ASCC3: variants seen among roughly 807,000 people sequenced by gnomAD.
The protein encoded by ASCC3 is activating signal cointegrator 1 complex subunit 3, also known as ASC-1 complex subunit P200.
In ASCC3, 158 loss-of-function variants were observed where a neutral mutation model predicts 256.3. The ratio of observed to expected loss-of-function variants is 0.62; its 90% CI spans 0.54 to 0.70. The LOEUF is 0.70. Ranked by LOEUF, ASCC3 falls within the 30% of genes least tolerant of loss-of-function variation. The pLI, the probability that ASCC3 is intolerant of heterozygous loss-of-function variation, is 0.00. For synonymous variants in ASCC3, 948 were observed against 883.4 expected (o/e 1.07, Z -1.30); for missense variants, 2,259 against 2,626.0 (o/e 0.86, Z 3.05).
chr6:100,829,765 T>A (rs1264029126), intron 4 of ASCC3, among the ~76,000 whole-genome samples: 2 of 152,204 alleles, frequency 1.3e-5, no homozygotes, highest in Non-Finnish European at 2.9e-5. Context: ...TGTTTTTTCC[T>A]ATATATACAT....
chr6:100,767,305 C>A lies in ASCC3; in HGVS notation c.1436G>T (p.Arg479Ile), dbSNP rs1471557248. Residue 479 changes from arginine (R) to isoleucine (I), a missense_variant, in exon 9 of 42, where the codon AGA (arginine) becomes ATA (isoleucine). Around this residue, in one of 2 missense-constraint regions of ASCC3, gnomAD observed 1,839 missense variants for 2,206.7 expected, o/e 0.83. Transcript: ENST00000369162. ...LAFKGMKRLN[R>I]IQSIVFETAY... ...AGTCTCAAACACTATTGACTGGATT[C>A]TATTGAGTCTCTTCATTCCTTTAAA... is the stretch of plus-strand genomic sequence containing the variant. 6.2e-7 allele frequency: 1 copy of A among 1,612,944 alleles called. No homozygotes were observed. The highest frequency in any genetic ancestry group is 1.7e-5 in the Admixed American group (1 of 59,882).
chr6:100,676,365 A>T (rs1415016057), intron 14 of ASCC3, among the ~76,000 whole-genome samples: 3 of 152,148 alleles, frequency 2.0e-5, no homozygotes, highest in Non-Finnish European at 4.4e-5. Context: ...TACGTTTCAG[A>T]AATGTTTAGA....
intron 4 of ASCC3, among the ~76,000 whole-genome samples, chr6:100,843,630 CAA>C (rs1364029655): frequency 6.6e-6 from 1 of 152,062 alleles, no homozygotes; most frequent in South Asian, 2.1e-4. Flanking sequence ...ACATATTTCT[CAA>C]GTGTGTTTTT....
Position 100,510,039 on chromosome 6 carries a change from T to A in ASCC3, c.6354A>T (p.Ile2118=), listed in dbSNP as rs1201391408. The change falls in exon 41 of 42, where the codon ATA becomes ATT. Residue 2118 remains isoleucine (I), a synonymous_variant. Coordinates refer to ENST00000369162, the MANE Select transcript of ASCC3 (RefSeq NM_006828.4). ...PKSKDEGWFL[I]LGEVDKRELI... is the part of the protein sequence containing the mutation. The stretch of plus-strand genomic sequence containing the variant: ...GTTCTCTCTTATCCACTTCTCCTAA[T>A]ATCAAAAACCATCCTTCGTCTTTTG... 1 of 1,614,174 alleles carries A rather than the reference T, an allele frequency of 6.2e-7. No homozygotes were observed. Among genetic ancestry groups the A allele is most frequent in the South Asian group, 1.1e-5 (1 of 91,082 alleles).
chr6:100,656,120 A>AT (rs943732749), intron 16 of ASCC3, among the ~76,000 whole-genome samples: 8 of 146,266 alleles, frequency 5.5e-5, no homozygotes, highest in Admixed American at 2.7e-4. Flanking sequence ...GACATTTGTT[A>AT]TTTTTTTTTC....
At chr6:100,742,976 G>A (rs1176903250) in intron 10 of ASCC3, among the ~76,000 whole-genome samples, 2 of 152,178 alleles carry the variant, frequency 1.3e-5, no homozygotes, top group Non-Finnish European at 2.9e-5. Context: ...CAGGGATCTC[G>A]AGGCCATACT....
At chr6:100,786,472 T>C (rs2114282293) in intron 8 of ASCC3, among the ~76,000 whole-genome samples, 2 of 152,292 alleles carry the variant, frequency 1.3e-5, no homozygotes, top group African/African-American at 4.8e-5. Context: ...AATTAAATAA[T>C]TACCCTTGAT....
chr6:100,864,543 A>G (rs1299302101), intron 2 of ASCC3, among the ~76,000 whole-genome samples: 2 of 152,190 alleles, frequency 1.3e-5, no homozygotes, highest in Non-Finnish European at 2.9e-5. Flanking sequence ...ATAACATCAC[A>G]CATCTTGCCA....
At chr6:100,656,618 T>A (rs76239542) in intron 16 of ASCC3, among the ~76,000 whole-genome samples, 2,325 of 151,488 alleles carry the variant, frequency 0.015, 24 homozygotes, top group East Asian at 0.045. Flanking sequence ...TTAAATGAAA[T>A]CAAAGGTTAA....
intron 11 of ASCC3, among the ~76,000 whole-genome samples, chr6:100,721,591 T>C (rs544184682): frequency 6.6e-6 from 1 of 151,846 alleles, no homozygotes; most frequent in South Asian, 2.1e-4. Context: ...ATTTTAAAAA[T>C]TGCTCTTAAA....
chr6:100,535,221 T>C (rs1775101489), intron 37 of ASCC3, among the ~76,000 whole-genome samples: 1 of 152,122 alleles, frequency 6.6e-6, no homozygotes, highest in African/African-American at 2.4e-5. Flanking sequence ...AGAGAGGTAG[T>C]ATAATTTTCA....
intron 10 of ASCC3, among the ~76,000 whole-genome samples, chr6:100,739,592 G>A (rs1167281770): frequency 6.6e-6 from 1 of 152,096 alleles, no homozygotes; most frequent in Admixed American, 6.5e-5. Flanking sequence ...GGTAGGCTAT[G>A]TATTACCACC....
intron 24 of ASCC3, among the ~76,000 whole-genome samples, chr6:100,641,979 C>T (rs1214563643): frequency 1.4e-5 from 2 of 142,310 alleles, no homozygotes; most frequent in East Asian, 4.2e-4. Flanking sequence ...CACATGGACA[C>T]AGGAAGGGAA....
At chr6:100,830,050 C>T (rs6917195) in intron 4 of ASCC3, among the ~76,000 whole-genome samples, 54,765 of 151,750 alleles carry the variant, frequency 0.36, 11,616 homozygotes, top group Middle Eastern at 0.51. Flanking sequence ...ACAAGACTAC[C>T]CACAACGGCA....
At chr6:100,659,572 T>C (rs1333879941) in intron 16 of ASCC3, among the ~76,000 whole-genome samples, 1 of 151,496 alleles carries the variant, frequency 6.6e-6, no homozygotes, top group East Asian at 1.9e-4. Flanking sequence ...AAGTACTTTA[T>C]AAATATTTGA....
intron 16 of ASCC3, among the ~76,000 whole-genome samples, chr6:100,660,461 C>T (rs1776139392): frequency 6.6e-6 from 1 of 151,674 alleles, no homozygotes; most frequent in Admixed American, 6.6e-5. Flanking sequence ...TTAAGCCACA[C>T]AATTACAGTA....
rs555828827 is a variant in ASCC3 at position 100,599,466 on chromosome 6, G to A, written c.5303+2344C>T. 3.7e-4 allele frequency among the ~76,000 whole-genome samples: 57 copies of A among 152,212 alleles called. 1 individual carries two copies. In the South Asian group the frequency reaches 0.011, roughly 30 times the overall value. ...AAATGCAACTCAGGGTACTTAACTG[G>A]ATCTTGGACAGAAAAGGGACATTAG... On this transcript the variant is annotated intron_variant, in intron 34 of 41. Transcript: ENST00000369162.
intron 4 of ASCC3, among the ~76,000 whole-genome samples, chr6:100,815,205 T>C (rs567469497): frequency 5.3e-5 from 8 of 152,112 alleles, no homozygotes; most frequent in African/African-American, 1.9e-4. Flanking sequence ...ATACAGCTAA[T>C]GAGGGAGGTA....
chr6:100,667,568 A>G (rs1562211969), intron 14 of ASCC3, among the ~76,000 whole-genome samples: 1 of 152,120 alleles, frequency 6.6e-6, no homozygotes, highest in African/African-American at 2.4e-5. Flanking sequence ...GGCAGGGGAA[A>G]CAGAAATAAC....
Sources: gnomAD v4.1 joint callset for allele counts (sites outside exome capture counted in the v4.1 genomes callset) on GRCh38, gnomAD v4.1.1 for gene constraint, gnomAD v4.1.1 regional missense constraint, MANE v1.5 for transcripts, NCBI Gene and HGNC (gene_info 2026-07-23, HGNC 2026-07-21) for gene names.